Variants in DPY19L2 observed in about 807,000 individuals in gnomAD.
The protein encoded by DPY19L2 is probable C-mannosyltransferase DPY19L2.
DPY19L2 carries 34 observed loss-of-function variants against 97.9 expected under a neutral mutation model. The ratio of observed to expected loss-of-function variants is 0.35; its 90% CI spans 0.26 to 0.46. The LOEUF (loss-of-function observed/expected upper bound fraction) is 0.46. Ranked by LOEUF, DPY19L2 falls within the 20% of genes least tolerant of loss-of-function variation. DPY19L2 has a pLI of 1.00. For synonymous variants in DPY19L2, 230 were observed against 307.9 expected, an observed-to-expected ratio of 0.75 and a Z score of 2.65; for missense variants, 623 against 911.4, an observed-to-expected ratio of 0.68 and a Z score of 4.07.
intron 19 of DPY19L2, 106 bp from the exon 20 acceptor site, chr12:63,570,963 T>C: frequency 9.0e-7 from 1 of 1,114,650 alleles, no homozygotes; most frequent in Middle Eastern, 2.1e-4. Context: ...ATGATGCCTA[T>C]TTACATGACC....
intron 4 of DPY19L2, among the ~76,000 whole-genome samples, chr12:63,657,046 T>C (rs1895059595): frequency 6.6e-6 from 1 of 152,224 alleles, no homozygotes; most frequent in Non-Finnish European, 1.5e-5. Context: ...CTCTTCGGAC[T>C]GTGCTTTTTC....
chr12:63,604,936 T>C (rs1303622214), intron 12 of DPY19L2, among the ~76,000 whole-genome samples: 1 of 152,150 alleles, frequency 6.6e-6, no homozygotes, highest in African/African-American at 2.4e-5. Context: ...TTTTTTATAT[T>C]ATGTTAGAGA....
At chr12:63,604,129 G>A (rs1885645361) in intron 12 of DPY19L2, among the ~76,000 whole-genome samples, 1 of 152,130 alleles carries the variant, frequency 6.6e-6, no homozygotes, top group Admixed American at 6.5e-5. Context: ...AACATCCACT[G>A]GATATGTAAT....
At chr12:63,648,430 G>C (rs1893726901) in intron 4 of DPY19L2, among the ~76,000 whole-genome samples, 1 of 150,562 alleles carries the variant, frequency 6.6e-6, no homozygotes, top group Non-Finnish European at 1.5e-5. Flanking sequence ...CCTTCCCTGG[G>C]CTTTTTTTTT....
chr12:63,644,359 G>A (rs1893107300), intron 6 of DPY19L2, 44 bp downstream of exon 6: 3 of 1,579,658 alleles, frequency 1.9e-6, no homozygotes, highest in South Asian at 1.2e-5. Flanking sequence ...CAGCCAGTCT[G>A]TAAAAGCCCA....
At position 63,627,341 on chromosome 12, in the gene DPY19L2, A is replaced by G. The variant is rs983139650; in HGVS notation, c.804-815T>C. Among the ~76,000 whole-genome samples the G allele has an allele frequency of 3.3e-5, 5 of 152,100 alleles. No individual in the cohort carries two copies. The East Asian group carries it at 9.7e-4, about 29-fold the overall frequency. On this transcript the variant is annotated intron_variant, in intron 6 of 21. Coordinates refer to ENST00000324472, the MANE Select transcript of DPY19L2 (RefSeq NM_173812.5). The stretch of plus-strand genomic sequence containing the variant: ...AAAAACCATTTCTTTTGTTGTTGTT[A>G]TTGTTGTTGTTGTTTTGTTTTGTTT...
At chr12:63,664,739 G>C (rs536291846) in intron 2 of DPY19L2, among the ~76,000 whole-genome samples, 5 of 152,208 alleles carry the variant, frequency 3.3e-5, no homozygotes, top group African/African-American at 1.2e-4. Flanking sequence ...GCTAAGTTAT[G>C]TAGTCAGACT....
At chr12:63,583,083 G>T (rs2137380147) in intron 17 of DPY19L2, among the ~76,000 whole-genome samples, 1 of 152,224 alleles carries the variant, frequency 6.6e-6, no homozygotes, top group East Asian at 1.9e-4. Context: ...TCAGGTTAGG[G>T]ATGCTCAACT....
At chr12:63,580,253 T>A (rs1880634640) in intron 19 of DPY19L2, among the ~76,000 whole-genome samples, 1 of 152,130 alleles carries the variant, frequency 6.6e-6, no homozygotes, top group Non-Finnish European at 1.5e-5. Context: ...GCTGGTTAAC[T>A]CCCCACCATC....
chr12:63,590,113 A>AAAAAC (rs1260121064), intron 16 of DPY19L2, among the ~76,000 whole-genome samples: 2 of 151,490 alleles, frequency 1.3e-5, no homozygotes, highest in African/African-American at 2.4e-5. Flanking sequence ...GCGAGACAAA[A>AAAAAC]AAAACAAAAC....
chr12:63,607,304 GTTATTAAATT>G (rs1886207789), intron 12 of DPY19L2, among the ~76,000 whole-genome samples: 10 of 151,956 alleles, frequency 6.6e-5, no homozygotes, highest in African/African-American at 2.4e-4. Context: ...CTCCTTTTGA[GTTATTAAATT>G]GCTCAATTTT....
chr12:63,641,781 C>T (rs368689662), intron 6 of DPY19L2, among the ~76,000 whole-genome samples: 9 of 152,184 alleles, frequency 5.9e-5, no homozygotes, highest in African/African-American at 1.9e-4. Context: ...ATGTACTTCC[C>T]AGTACACACA....
intron 15 of DPY19L2, among the ~76,000 whole-genome samples, chr12:63,594,518 T>TTGTGTG (rs796987462): frequency 9.9e-5 from 10 of 100,678 alleles, no homozygotes; most frequent in African/African-American, 4.0e-4. Context: ...CTACAGGGAT[T>TTGTGTG]TGTGTGTGTG....
intron 18 of DPY19L2, among the ~76,000 whole-genome samples, chr12:63,581,863 C>T (rs986740141): frequency 5.4e-5 from 8 of 149,222 alleles, no homozygotes; most frequent in Non-Finnish European, 8.9e-5. Context: ...TGCTGTGATG[C>T]GATCTTGGCT....
chr12:63,666,773 A>G (rs1054968597), intron 1 of DPY19L2, among the ~76,000 whole-genome samples: 17 of 152,108 alleles, frequency 1.1e-4, no homozygotes, highest in Non-Finnish European at 1.6e-4. Flanking sequence ...TGGCTATTCC[A>G]GAAGTCCCAC....
chr12:63,627,529 T>C (rs1427282658), intron 6 of DPY19L2, among the ~76,000 whole-genome samples: 8 of 152,108 alleles, frequency 5.3e-5, no homozygotes. Flanking sequence ...TTTGTATTTT[T>C]AGTAGAGACG....
Position 63,580,726 on chromosome 12 carries a change from T to G in DPY19L2, c.1836A>C (p.Ile612=). 1 of 1,613,612 alleles carries G rather than the reference T, an allele frequency of 6.2e-7. No individual in the cohort carries two copies. Among genetic ancestry groups the G allele is most frequent in the South Asian group, 1.1e-5 (1 of 91,006 alleles). The change falls in exon 19 of 22, where the codon ATA becomes ATC. Residue 612 remains isoleucine, a synonymous_variant. Transcript: ENST00000324472. Reference sequence around the variant, plus strand: ...CCTGAGGCAAATTATTAAATTCTCCTATTATGCTCCATTGATTACGGAGGT... The same window carrying G: ...CCTGAGGCAAATTATTAAATTCTCCGATTATGCTCCATTGATTACGGAGGT... ...YANLRNQWSI[I]GEFNNLPQEE...
intron 6 of DPY19L2, among the ~76,000 whole-genome samples, chr12:63,643,899 G>C (rs942318484): frequency 4.6e-5 from 7 of 152,076 alleles, no homozygotes; most frequent in African/African-American, 1.7e-4. Flanking sequence ...TTAAGTGTGG[G>C]GGCAAAACAC....
Position 63,569,313 on chromosome 12 carries a change from T to A in DPY19L2, c.2037A>T (p.Arg679=). 1.3e-6 allele frequency: 2 copies of A among 1,598,740 alleles called. No homozygotes were observed. Among genetic ancestry groups the A allele is most frequent in the Non-Finnish European group, 1.7e-6 (2 of 1,173,846 alleles). The part of the protein sequence containing the change: ...RTKIVYSTYS[R]KSAKEVRDKL... ...TATCTCTTACTTCTTTGGCAGATTT[T>A]CGACTATATGTAGAATAAACTATTT... The change falls in exon 21 of 22, where the codon CGA becomes CGT. Residue 679 remains arginine, a synonymous_variant. Transcript: ENST00000324472.
Sources: allele counts gnomAD v4.1 joint callset (sites outside exome capture counted in the v4.1 genomes callset), GRCh38; gene constraint gnomAD v4.1.1; transcripts MANE v1.5; gene names NCBI Gene and HGNC (gene_info 2026-07-23, HGNC 2026-07-21).